Variants in KCNMB2 observed in about 807,000 individuals in gnomAD.
The protein encoded by KCNMB2 is potassium calcium-activated channel subfamily M regulatory beta subunit 2.
Under a neutral mutation model 24.5 loss-of-function variants are expected in KCNMB2, and 9 were observed. The ratio of observed to expected loss-of-function variants is 0.37; its 90% confidence interval spans 0.22 to 0.64. The LOEUF is 0.64. Among genes scored for constraint, KCNMB2 ranks in the 30% least tolerant of loss-of-function variants. KCNMB2 has a pLI of 0.63. For missense variants in KCNMB2, 226 were observed against 284.3 expected, an observed-to-expected ratio of 0.79 and a Z score of 1.47; for synonymous variants, 109 against 104.4, an observed-to-expected ratio of 1.04 and a Z score of -0.27.
At chr3:178,561,844 A>G (rs1362968024) in intron 1 of KCNMB2, among the ~76,000 whole-genome samples, 1 of 152,226 alleles carries the variant, frequency 6.6e-6, no homozygotes, top group African/African-American at 2.4e-5. Context: ...TCACCATTAC[A>G]GGACACCAAA....
In KCNMB2 at chr3:178,648,514, T is replaced by A. The variant is rs182049606; in HGVS notation, c.-68+111803T>A. Among the ~76,000 whole-genome samples, 285 of 152,268 alleles carry A rather than the reference T, an allele frequency of 1.9e-3. 1 individual carries two copies. Among genetic ancestry groups the A allele is most frequent in the African/African-American group, 6.4e-3 (268 of 41,560 alleles). On this transcript the variant is annotated intron_variant, in intron 1 of 4. Transcript: ENST00000452583. ...CTATGATCATGCCACTTTACCCCAG[T>A]CTGAACTACAGAGTCAGAGTCTGTC...
chr3:178,632,957 C>T (rs528985339), intron 1 of KCNMB2, among the ~76,000 whole-genome samples: 10 of 152,278 alleles, frequency 6.6e-5, no homozygotes, highest in African/African-American at 2.2e-4. Context: ...GGCTACAGGC[C>T]CCATGCAAGT....
chr3:178,597,445 G>C (rs10084710), intron 1 of KCNMB2, among the ~76,000 whole-genome samples: 1 of 151,942 alleles, frequency 6.6e-6, no homozygotes, highest in East Asian at 1.9e-4. Flanking sequence ...GTGCAGGCAT[G>C]TAAAAGCCAC....
intron 1 of KCNMB2, among the ~76,000 whole-genome samples, chr3:178,566,224 T>C (rs4857650): frequency 0.35 from 53,710 of 152,092 alleles, 10,717 homozygotes; most frequent in East Asian, 0.6. Flanking sequence ...TCAGGTATAA[T>C]ATTAGTCCAA....
chr3:178,690,975 C>A (rs982487027), intron 1 of KCNMB2, among the ~76,000 whole-genome samples: 4 of 151,836 alleles, frequency 2.6e-5, no homozygotes, highest in Non-Finnish European at 4.4e-5. Flanking sequence ...TCTCACTCTG[C>A]CTCCCAGGCT....
chr3:178,831,543 A>G (rs1387750771), intron 4 of KCNMB2, among the ~76,000 whole-genome samples: 1 of 152,180 alleles, frequency 6.6e-6, no homozygotes, highest in African/African-American at 2.4e-5. Flanking sequence ...GTACATATAC[A>G]CCATGGAATA....
chr3:178,716,881 C>T (rs1364626310), intron 1 of KCNMB2, among the ~76,000 whole-genome samples: 1 of 152,090 alleles, frequency 6.6e-6, no homozygotes, highest in Non-Finnish European at 1.5e-5. Flanking sequence ...TGAGGACATT[C>T]CAGGGACACC....
chr3:178,774,305 A>G (rs930812201), intron 1 of KCNMB2, among the ~76,000 whole-genome samples: 2 of 152,200 alleles, frequency 1.3e-5, no homozygotes, highest in African/African-American at 4.8e-5. Flanking sequence ...AGCCTTGGAA[A>G]GATACAAGGT....
intron 1 of KCNMB2, among the ~76,000 whole-genome samples, chr3:178,694,472 T>C (rs1303291047): frequency 2.0e-5 from 3 of 152,122 alleles, no homozygotes; most frequent in Non-Finnish European, 4.4e-5. Context: ...AAAGTCCAAG[T>C]CCAAAGTCTC....
chr3:178,598,342 G>T (rs1265201777), intron 1 of KCNMB2, among the ~76,000 whole-genome samples: 2 of 152,124 alleles, frequency 1.3e-5, no homozygotes, highest in African/African-American at 4.8e-5. Context: ...AAGCACTAGA[G>T]AATACGAATT....
rs140203491 is a variant in KCNMB2, at chr3:178,756,235, GGT to G, written c.-67-51091_-67-51090del. Reference sequence around the variant, plus strand: ...GTGTGTGTATATATATGTGGGTGTGGGTGTGTGTGTGTGTGTGTATGCGTGTG... The same window carrying G: ...GTGTGTGTATATATATGTGGGTGTGGGTGTGTGTGTGTGTGTATGCGTGTG... On this transcript the variant is annotated intron_variant, in intron 1 of 4. Coordinates refer to ENST00000452583, the MANE Select transcript of KCNMB2 (RefSeq NM_181361.3). Among the ~76,000 whole-genome samples the G allele has an allele frequency of 5.7e-3, 846 of 148,940 alleles. 2 individuals carry two copies. The highest frequency in any genetic ancestry group is 7.2e-3 in the Non-Finnish European group (479 of 66,712).
At chr3:178,560,746 T>C (rs1233328787) in intron 1 of KCNMB2, among the ~76,000 whole-genome samples, 1 of 152,266 alleles carries the variant, frequency 6.6e-6, no homozygotes. Flanking sequence ...ATGTGCCAAA[T>C]GATTTCTGTC....
chr3:178,757,785 T>TATAC (rs1724189791), intron 1 of KCNMB2, among the ~76,000 whole-genome samples: 1 of 108,808 alleles, frequency 9.2e-6, no homozygotes, highest in Non-Finnish European at 1.9e-5. Flanking sequence ...AGGATATATA[T>TATAC]ACATATATCT....
intron 1 of KCNMB2, among the ~76,000 whole-genome samples, chr3:178,721,305 G>A (rs1314909461): frequency 6.6e-6 from 1 of 152,122 alleles, no homozygotes; most frequent in East Asian, 1.9e-4. Flanking sequence ...CGTTATTTCT[G>A]AGGGCTCTGT....
At chr3:178,592,614 A>G (rs1260588467) in intron 1 of KCNMB2, among the ~76,000 whole-genome samples, 2 of 152,158 alleles carry the variant, frequency 1.3e-5, no homozygotes, top group Non-Finnish European at 2.9e-5. Flanking sequence ...ATGTTGATAG[A>G]GAAGTAGTAT....
intron 1 of KCNMB2, among the ~76,000 whole-genome samples, chr3:178,639,198 A>G (rs572555542): frequency 1.3e-5 from 2 of 152,296 alleles, no homozygotes; most frequent in East Asian, 3.9e-4. Context: ...ACACCTTGTA[A>G]TGTATTAAAA....
At chr3:178,638,665 C>T (rs1481516575) in intron 1 of KCNMB2, among the ~76,000 whole-genome samples, 1 of 151,982 alleles carries the variant, frequency 6.6e-6, no homozygotes. Flanking sequence ...ATATTTTGGC[C>T]CCAATTCATA....
intron 1 of KCNMB2, among the ~76,000 whole-genome samples, chr3:178,638,787 T>G (rs1228541799): frequency 6.6e-6 from 1 of 152,214 alleles, no homozygotes; most frequent in African/African-American, 2.4e-5. Context: ...AGGGGTTGTT[T>G]AGATGGGCTG....
At chr3:178,842,383 T>C (rs369452986) in intron 4 of KCNMB2, among the ~76,000 whole-genome samples, 28 of 152,312 alleles carry the variant, frequency 1.8e-4, no homozygotes, top group African/African-American at 6.7e-4. Flanking sequence ...AATGATTAAA[T>C]CAAGCTAATT....
Sources: allele counts gnomAD v4.1 joint callset (sites outside exome capture counted in the v4.1 genomes callset), GRCh38; gene constraint gnomAD v4.1.1; transcripts MANE v1.5; gene names NCBI Gene and HGNC (gene_info 2026-07-23, HGNC 2026-07-21).